KIAA0319: variants seen among roughly 807,000 people sequenced by gnomAD.
KIAA0319 encodes KIAA0319.
In KIAA0319, 83 loss-of-function variants were observed where a neutral mutation model predicts 108.4. That is an observed-to-expected ratio of 0.77 (90% CI 0.64 to 0.92). The LOEUF is 0.92. KIAA0319 is among the 40% of genes least tolerant of loss of function. The pLI is 0.00. For synonymous variants in KIAA0319, 484 were observed against 510.4 expected (o/e 0.95, Z 0.70); for missense variants, 1,195 against 1,322.4 (o/e 0.90, Z 1.49).
chr6:24,640,606 A>T (rs983967973), intron 1 of KIAA0319, among the ~76,000 whole-genome samples: 2 of 152,106 alleles, frequency 1.3e-5, no homozygotes, highest in South Asian at 4.1e-4. Context: ...ATATTTTTTA[A>T]ATTTTTTCAT....
chr6:24,578,091 A>C lies in KIAA0319; in HGVS notation c.1505+19T>G. 3 of 1,598,876 alleles carry C rather than the reference A, an allele frequency of 1.9e-6. No homozygotes were observed. Among genetic ancestry groups the C allele is most frequent in the Non-Finnish European group, 2.6e-6 (3 of 1,173,294 alleles). On this transcript the variant is annotated intron_variant, in intron 9 of 20. Transcript: ENST00000378214. ...AATGTAAGTAGCAGGCAGCACAATA[A>C]AGGCAGGGACCCACTTGCCTGAAAC... is the stretch of plus-strand genomic sequence containing the variant.
downstream of KIAA0319, among the ~76,000 whole-genome samples, chr6:24,542,681 C>T (rs893500472): frequency 2.0e-5 from 3 of 152,230 alleles, no homozygotes; most frequent in African/African-American, 7.2e-5. Flanking sequence ...TGCCACTGCA[C>T]TCCAGCCTGA....
intron 13 of KIAA0319, among the ~76,000 whole-genome samples, chr6:24,567,296 G>A (rs1197722525): frequency 6.6e-6 from 1 of 152,162 alleles, no homozygotes; most frequent in African/African-American, 2.4e-5. Context: ...GAGACCAGGA[G>A]TTTGAGACCA....
At chr6:24,593,307 TA>T (rs1314833749) in intron 3 of KIAA0319, among the ~76,000 whole-genome samples, 2 of 151,874 alleles carry the variant, frequency 1.3e-5, no homozygotes, top group Non-Finnish European at 2.9e-5. Context: ...CTTCAGTGAG[TA>T]ATGAGTAGAA....
At chr6:24,558,908 G>T in intron 17 of KIAA0319, 105 bp downstream of exon 17, 2 of 1,120,864 alleles carry the variant, frequency 1.8e-6, no homozygotes, top group Non-Finnish European at 2.5e-6. Flanking sequence ...CAAGTCCCTG[G>T]ATGCTAAAGT....
At chr6:24,555,787 G>A (rs560815042) in intron 18 of KIAA0319, among the ~76,000 whole-genome samples, 2 of 152,302 alleles carry the variant, frequency 1.3e-5, no homozygotes, top group South Asian at 2.1e-4. Context: ...ACAGCTGGAA[G>A]AGTGGGCCAA....
chr6:24,610,152 C>T lies in KIAA0319; in HGVS notation c.-105-8944G>A, dbSNP rs1185599864. Among the ~76,000 whole-genome samples the T allele has an allele frequency of 3.3e-5, 5 of 151,738 alleles. 1 individual carries two copies. The South Asian group carries it at 1.0e-3, about 32-fold the overall frequency. The stretch of plus-strand genomic sequence containing the variant: ...ACCATCAAGAAAGTGAAAAGACAGC[C>T]CACAGAATGGGATGAAATTTTTGCA... On this transcript the variant is annotated intron_variant, in intron 1 of 20. Coordinates refer to ENST00000378214, the MANE Select transcript of KIAA0319 (RefSeq NM_014809.4).
chr6:24,615,111 C>T (rs1288622298), intron 1 of KIAA0319, among the ~76,000 whole-genome samples: 1 of 152,134 alleles, frequency 6.6e-6, no homozygotes, highest in Non-Finnish European at 1.5e-5. Flanking sequence ...AATTTTTAAA[C>T]AATTACATTA....
chr6:24,617,943 C>T (rs1015403924), intron 1 of KIAA0319, among the ~76,000 whole-genome samples: 1 of 151,982 alleles, frequency 6.6e-6, no homozygotes, highest in Non-Finnish European at 1.5e-5. Context: ...GCCGAGATTG[C>T]GCCATTGCAC....
intron 1 of KIAA0319, among the ~76,000 whole-genome samples, chr6:24,620,086 A>G (rs1773712723): frequency 6.6e-6 from 1 of 152,212 alleles, no homozygotes; most frequent in South Asian, 2.1e-4. Flanking sequence ...ATATTTTGCC[A>G]ATATTGGTCG....
chr6:24,612,885 G>A (rs1388062305), intron 1 of KIAA0319, among the ~76,000 whole-genome samples: 7 of 151,914 alleles, frequency 4.6e-5, no homozygotes, highest in African/African-American at 1.5e-4. Flanking sequence ...TGCAAGCTCC[G>A]CCTCCCCGGT....
chr6:24,623,765 G>A (rs1471193391), intron 1 of KIAA0319, among the ~76,000 whole-genome samples: 1 of 152,108 alleles, frequency 6.6e-6, no homozygotes, highest in Non-Finnish European at 1.5e-5. Flanking sequence ...TTTCAAAATA[G>A]CTAAAAGAGA....
At chr6:24,588,293 G>A (rs766240427) in intron 4 of KIAA0319, among the ~76,000 whole-genome samples, 3 of 152,184 alleles carry the variant, frequency 2.0e-5, no homozygotes, top group Admixed American at 1.3e-4. Context: ...GGCATCCCTG[G>A]ACCCTGTTAG....
intron 1 of KIAA0319, among the ~76,000 whole-genome samples, chr6:24,620,492 G>A (rs753011037): frequency 1.3e-5 from 2 of 152,086 alleles, no homozygotes; most frequent in Non-Finnish European, 2.9e-5. Context: ...GTAGAGACGG[G>A]GTTTCACCAT....
chr6:24,595,766 T>G (rs907278528), intron 3 of KIAA0319, 107 bp downstream of exon 3: 1 of 1,286,724 alleles, frequency 7.8e-7, no homozygotes. Context: ...GGAACCTCCT[T>G]AAGCTCATAC....
intron 1 of KIAA0319, among the ~76,000 whole-genome samples, chr6:24,623,348 A>T (rs186444838): frequency 3.7e-4 from 56 of 152,302 alleles, no homozygotes; most frequent in African/African-American, 1.3e-3. Context: ...AGGAAGAAAG[A>T]ACAGAGACAA....
chr6:24,581,977 C>G (rs552243579), intron 6 of KIAA0319, among the ~76,000 whole-genome samples: 1 of 152,274 alleles, frequency 6.6e-6, no homozygotes, highest in African/African-American at 2.4e-5. Flanking sequence ...AACCCCACCT[C>G]TACAAAAAAT....
At chr6:24,557,410 C>T (rs1048865808) in intron 17 of KIAA0319, among the ~76,000 whole-genome samples, 1 of 150,654 alleles carries the variant, frequency 6.6e-6, no homozygotes, top group Non-Finnish European at 1.5e-5. Context: ...GGCTGAGGCA[C>T]GAGAATCACT....
At chr6:24,580,657 T>C (rs950153642) in intron 7 of KIAA0319, among the ~76,000 whole-genome samples, 1 of 151,986 alleles carries the variant, frequency 6.6e-6, no homozygotes, top group Non-Finnish European at 1.5e-5. Flanking sequence ...GAGTGGATGG[T>C]GTAAATGTCA....
Sources: gnomAD v4.1 joint callset for allele counts (sites outside exome capture counted in the v4.1 genomes callset) on GRCh38, gnomAD v4.1.1 for gene constraint, MANE v1.5 for transcripts, NCBI Gene and HGNC (gene_info 2026-07-23, HGNC 2026-07-21) for gene names.